CCDC30: variants seen among roughly 807,000 people sequenced by gnomAD.
The protein encoded by CCDC30 is coiled-coil domain containing 30.
In CCDC30, 70 loss-of-function variants were observed where a neutral mutation model predicts 100.2. The ratio of observed to expected loss-of-function variants is 0.70; its 90% CI spans 0.58 to 0.85. CCDC30 has a LOEUF of 0.85. CCDC30 is among the 40% of genes least tolerant of loss of function. The probability of loss-of-function intolerance (pLI) is 0.00; values close to 1 mark genes in which losing one functional copy is unlikely to be tolerated. For synonymous variants in CCDC30, 233 were observed against 269.5 expected, an observed-to-expected ratio of 0.86 and a Z score of 1.33; for missense variants, 652 against 771.2, an observed-to-expected ratio of 0.85 and a Z score of 1.83.
chr1:42,536,651 G>A (rs764467350), intron 6 of CCDC30, 50 bp downstream of exon 7: 1 of 1,304,318 alleles, frequency 7.7e-7, no homozygotes, highest in South Asian at 1.3e-5. Flanking sequence ...TCTAATTTAG[G>A]GATTTCATGT....
intron 3 of CCDC30, among the ~76,000 whole-genome samples, chr1:42,486,627 T>C (rs1040316441): frequency 2.0e-5 from 3 of 152,248 alleles, no homozygotes; most frequent in Non-Finnish European, 4.4e-5. Flanking sequence ...GGGAGCGGAC[T>C]CTTGGAAGCT....
At chr1:42,498,839 G>C (rs1227520792) in exon 6 of CCDC30, 1 of 1,233,690 alleles carries the variant, frequency 8.1e-7, no homozygotes. Context: ...TAAAGGAGAG[G>C]TGTGTGAATC....
chr1:42,535,699 T>TATATATATA (rs1553190459), intron 6 of CCDC30, among the ~76,000 whole-genome samples: 1 of 13,146 alleles, frequency 7.6e-5, no homozygotes, highest in Non-Finnish European at 1.3e-4. Context: ...ATCACTACTA[T>TATATATATA]ATATATATAT....
chr1:42,456,563 C>T, the CCDC30 span: 2 of 1,472,174 alleles, frequency 1.4e-6, no homozygotes, highest in Non-Finnish European at 1.8e-6. Flanking sequence ...CGCTGCGCTG[C>T]AGATGGCGGA....
At chr1:42,481,945 G>A (rs1643965672) in intron 2 of CCDC30, among the ~76,000 whole-genome samples, 1 of 152,120 alleles carries the variant, frequency 6.6e-6, no homozygotes, top group South Asian at 2.1e-4. Flanking sequence ...CAAGCTGGGT[G>A]CGGTGGCTTA....
intron 9 of CCDC30, among the ~76,000 whole-genome samples, chr1:42,583,876 T>C (rs1053808160): frequency 1.3e-5 from 2 of 152,180 alleles, no homozygotes; most frequent in African/African-American, 4.8e-5. Flanking sequence ...ACCATGAAGA[T>C]GGACTGGAAG....
At chr1:42,489,149 A>C (rs1470410582) in intron 3 of CCDC30, among the ~76,000 whole-genome samples, 1 of 152,190 alleles carries the variant, frequency 6.6e-6, no homozygotes, top group Admixed American at 6.5e-5. Context: ...TTTAGTAAAA[A>C]CAAAAGCTAT....
intron 1 of CCDC30, among the ~76,000 whole-genome samples, chr1:42,478,890 T>C (rs1643914115): frequency 6.6e-6 from 1 of 152,194 alleles, no homozygotes; most frequent in African/African-American, 2.4e-5. Context: ...TTTTAGCTAA[T>C]GTTGTAAAGA....
At chr1:42,477,021 A>G (rs1488005523) in intron 1 of CCDC30, among the ~76,000 whole-genome samples, 2 of 150,758 alleles carry the variant, frequency 1.3e-5, no homozygotes, top group African/African-American at 4.9e-5. Context: ...CATGATTTAA[A>G]GTTAATATTC....
intron 1 of CCDC30, chr1:42,473,608 T>C (rs1334531332): frequency 3.8e-6 from 1 of 265,252 alleles, no homozygotes; most frequent in Non-Finnish European, 7.1e-6. Context: ...AGGTGACTCT[T>C]TTTTTTGAAG....
At chr1:42,576,095 A>G (rs1455026216) in intron 7 of CCDC30, among the ~76,000 whole-genome samples, 1 of 152,252 alleles carries the variant, frequency 6.6e-6, no homozygotes, top group Non-Finnish European at 1.5e-5. Flanking sequence ...GGACCACTGA[A>G]AGATTCTAAG....
chr1:42,625,121 T>C (rs1409615766), intron 11 of CCDC30, among the ~76,000 whole-genome samples: 4 of 152,138 alleles, frequency 2.6e-5, no homozygotes, highest in African/African-American at 4.8e-5. Context: ...TTATGTTGTA[T>C]GTGTTTAGGA....
At chr1:42,529,663 T>C (rs2148512764) in intron 6 of CCDC30, 1 of 152,340 alleles carries the variant, frequency 6.6e-6, no homozygotes, top group African/African-American at 2.4e-5. Context: ...GCAACAAGTA[T>C]TAACTGAAGG....
chr1:42,499,906 C>T (rs1644282899), intron 6 of CCDC30, among the ~76,000 whole-genome samples: 2 of 152,116 alleles, frequency 1.3e-5, no homozygotes, highest in Admixed American at 1.3e-4. Flanking sequence ...CTGCAGGACA[C>T]CTTGGGCCAG....
At chr1:42,611,021 T>C in exon 11 of CCDC30, 1 of 1,612,984 alleles carries the variant, frequency 6.2e-7, no homozygotes, top group Non-Finnish European at 8.5e-7. Flanking sequence ...CTATCTAAGC[T>C]ACAGCAAGAG....
At position 42,589,378 on chromosome 1, in the gene CCDC30, TA is replaced by T. The variant is rs1417479419; in HGVS notation, c.1062del (p.Glu355LysfsTer6). 1 of 1,613,520 alleles carries T rather than the reference TA, an allele frequency of 6.2e-7. No homozygotes were observed. The highest frequency in any genetic ancestry group is 1.7e-5 in the Admixed American group (1 of 59,972). On this transcript the variant is annotated frameshift_variant, in exon 10 of 17. Transcript: ENST00000668663. LOFTEE classifies it high-confidence loss of function. The stretch of plus-strand genomic sequence containing the variant: ...ACAGGCAAGTGAGAACCTTACAAGA[TA>T]AAGAAAATCTACTGGAAATGACCTG...
At chr1:42,594,808 A>G (rs1646253080) in intron 10 of CCDC30, 1 of 152,212 alleles carries the variant, frequency 6.6e-6, no homozygotes, top group African/African-American at 2.4e-5. Context: ...ATACAATAGC[A>G]TGCATTTTGC....
At chr1:42,478,667 G>A (rs1337417772) in intron 1 of CCDC30, among the ~76,000 whole-genome samples, 1 of 152,158 alleles carries the variant, frequency 6.6e-6, no homozygotes, top group African/African-American at 2.4e-5. Context: ...GCAGAGGTGG[G>A]AGGATCACCT....
chr1:42,577,798 G>A (rs1010087314), intron 8 of CCDC30, among the ~76,000 whole-genome samples: 4 of 151,918 alleles, frequency 2.6e-5, no homozygotes, highest in African/African-American at 4.8e-5. Flanking sequence ...CCACCACCAC[G>A]CCCGGCTAAT....
Sources: allele counts gnomAD v4.1 joint callset (sites outside exome capture counted in the v4.1 genomes callset), GRCh38; gene constraint gnomAD v4.1.1; transcripts MANE v1.5; gene names NCBI Gene and HGNC (gene_info 2026-07-23, HGNC 2026-07-21).